SLC38A1: variants seen among roughly 807,000 people sequenced by gnomAD.
SLC38A1 encodes the protein sodium-coupled neutral amino acid symporter 1.
In SLC38A1, 18 loss-of-function variants were observed where a neutral mutation model predicts 60.3. The observed-to-expected ratio is 0.30, with a 90% CI of 0.21 to 0.44. The LOEUF is 0.44. Among genes scored for constraint, SLC38A1 ranks in the 20% least tolerant of loss-of-function variants. The pLI, the probability that SLC38A1 is intolerant of heterozygous loss-of-function variation, is 1.00. For missense variants in SLC38A1, 448 were observed against 587.2 expected, an observed-to-expected ratio of 0.76 and a Z score of 2.45; for synonymous variants, 196 against 212.1, an observed-to-expected ratio of 0.92 and a Z score of 0.66.
chr12:46,260,115 C>G (rs1049164351), intron 1 of SLC38A1, among the ~76,000 whole-genome samples: 9 of 152,118 alleles, frequency 5.9e-5, no homozygotes, highest in African/African-American at 2.2e-4. Context: ...AGCGTCTGGC[C>G]CGGGTTTTGT....
rs2136976373 is a variant in SLC38A1, at chr12:46,197,987, A to G, written c.1196T>C (p.Ile399Thr). The G allele has an allele frequency of 1.9e-6, 3 of 1,614,074 alleles. No individual in the cohort carries two copies. In the East Asian group the frequency reaches 6.7e-5, roughly 36 times the overall value. ...NLCRHTVVTC[I>T]LLVVINLLVI... ...CAACAAGTTGATAACAACCAAGAGT[A>G]TGCAGGTAACCACGGTATGACGACA... Residue 399 changes from isoleucine (I) to threonine (T), a missense_variant, in exon 15 of 17, where the codon ATA becomes ACA. Ile to Thr is a moderately conservative substitution (Grantham distance 89). Around this residue, in one of 2 missense-constraint regions of SLC38A1, gnomAD observed 346 missense variants for 497.5 expected, o/e 0.70. Transcript: ENST00000398637.
At chr12:46,197,333 CAAAAAAG>C (rs375672594) in intron 16 of SLC38A1, 15 of 173,568 alleles carry the variant, frequency 8.6e-5, no homozygotes, top group South Asian at 5.5e-4. Context: ...ACTAAAAATA[CAAAAAAG>C]AAAAAAGAAA....
At chr12:46,190,167 T>A (rs985750222) in intron 16 of SLC38A1, among the ~76,000 whole-genome samples, 6 of 152,156 alleles carry the variant, frequency 3.9e-5, no homozygotes, top group African/African-American at 1.4e-4. Flanking sequence ...AACTCCCACC[T>A]ATGAGTGAAA....
intron 1 of SLC38A1, among the ~76,000 whole-genome samples, chr12:46,249,727 GA>G (rs1941766562): frequency 6.6e-6 from 1 of 152,136 alleles, no homozygotes; most frequent in South Asian, 2.1e-4. Context: ...AGATAAACCA[GA>G]AAAATCTAGG....
intron 16 of SLC38A1, among the ~76,000 whole-genome samples, chr12:46,190,467 G>A (rs1939101040): frequency 6.6e-6 from 1 of 152,094 alleles, no homozygotes; most frequent in Admixed American, 6.5e-5. Context: ...GGGATTGCTG[G>A]GTCAAATGGT....
intron 5 of SLC38A1, among the ~76,000 whole-genome samples, chr12:46,228,548 A>G (rs1940953110): frequency 6.6e-6 from 1 of 152,200 alleles, no homozygotes; most frequent in Non-Finnish European, 1.5e-5. Context: ...AAATTCTATC[A>G]TCTCTCTTAA....
rs754212368 is a variant in SLC38A1 at position 46,188,949 on chromosome 12, G to A, written c.*21C>T. On this transcript the variant is annotated 3_prime_UTR_variant, in exon 17 of 17. Transcript: ENST00000398637. Reference sequence around the variant, plus strand: ...ACTTGACTGAGCAGACAACAGGGATGTTTCTTTTTCTCGGCGGGTTTCAGT... The same window carrying A: ...ACTTGACTGAGCAGACAACAGGGATATTTCTTTTTCTCGGCGGGTTTCAGT... 8.1e-6 allele frequency: 13 copies of A among 1,603,090 alleles called. No individual in the cohort carries two copies. The highest frequency in any genetic ancestry group is 9.4e-6 in the Non-Finnish European group (11 of 1,171,402).
chr12:46,203,154 G>T, intron 11 of SLC38A1, 65 bp from the exon 12 acceptor site: 2 of 1,298,900 alleles, frequency 1.5e-6, no homozygotes, highest in East Asian at 2.3e-5. Context: ...CATAGCTCCA[G>T]TATTTCTGAG....
At position 46,241,715 on chromosome 12, in the gene SLC38A1, A is replaced by G. The variant is rs992155016; in HGVS notation, c.-94+1485T>C. Among the ~76,000 whole-genome samples the G allele has an allele frequency of 6.6e-5, 10 of 152,320 alleles. No individual in the cohort carries two copies. The South Asian group carries it at 1.9e-3, about 28-fold the overall frequency. Reference sequence around the variant, plus strand: ...GTTGCAAAAGCTGAAATGAATTAAAATGGTTGAACCCCACTCTTACCCCTT... The same window carrying G: ...GTTGCAAAAGCTGAAATGAATTAAAGTGGTTGAACCCCACTCTTACCCCTT... On this transcript the variant is annotated intron_variant, in intron 2 of 16. Transcript: ENST00000398637.
At chr12:46,196,077 T>A in intron 16 of SLC38A1, 1 of 1,463,660 alleles carries the variant, frequency 6.8e-7, no homozygotes, top group Non-Finnish European at 9.2e-7. Context: ...CCTATTTGGC[T>A]ATCTTGGAAG....
intron 2 of SLC38A1, 82 bp from the exon 3 acceptor site, chr12:46,239,975 G>T: frequency 1.7e-6 from 1 of 582,714 alleles, no homozygotes; most frequent in Non-Finnish European, 3.0e-6. Context: ...TAAACAAGTA[G>T]TTAATTTACT....
intron 5 of SLC38A1, among the ~76,000 whole-genome samples, chr12:46,225,055 A>C (rs2137778700): frequency 6.6e-6 from 1 of 152,330 alleles, no homozygotes; most frequent in East Asian, 1.9e-4. Flanking sequence ...CCCAGTAAAA[A>C]GATTTTTTTT....
At chr12:46,218,499 G>A (rs1396040198) in intron 5 of SLC38A1, among the ~76,000 whole-genome samples, 1 of 152,012 alleles carries the variant, frequency 6.6e-6, no homozygotes, top group East Asian at 1.9e-4. Context: ...AGAAATAGGC[G>A]GTTTAAGAGG....
intron 12 of SLC38A1, 115 bp downstream of exon 12, chr12:46,202,895 T>G (rs1939725141): frequency 3.0e-6 from 2 of 670,702 alleles, no homozygotes; most frequent in African/African-American, 3.6e-5. Context: ...ATGTTGAAGC[T>G]GGGTGATGAA....
chr12:46,204,255 C>T (rs1184091589), intron 11 of SLC38A1, 46 bp downstream of exon 11: 1 of 1,178,948 alleles, frequency 8.5e-7, no homozygotes, highest in Admixed American at 1.7e-5. Context: ...ATAGAATGTC[C>T]TTAATAAAAA....
chr12:46,229,439 G>A, intron 4 of SLC38A1, 125 bp downstream of exon 4: 2 of 831,474 alleles, frequency 2.4e-6, no homozygotes, highest in South Asian at 1.6e-5. Flanking sequence ...AATACATAAG[G>A]TATGAGGAAT....
chr12:46,247,197 C>G (rs573719914), intron 1 of SLC38A1, among the ~76,000 whole-genome samples: 53 of 152,216 alleles, frequency 3.5e-4, no homozygotes, highest in Non-Finnish European at 5.7e-4. Context: ...ACAAGTTGGC[C>G]AAAGTAGGCT....
At chr12:46,215,780 T>C (rs967094606) in intron 5 of SLC38A1, among the ~76,000 whole-genome samples, 1 of 152,206 alleles carries the variant, frequency 6.6e-6, no homozygotes, top group Non-Finnish European at 1.5e-5. Flanking sequence ...CTTCCTCTTC[T>C]AGATCCAGTT....
At chr12:46,250,616 A>G (rs1022208519) in intron 1 of SLC38A1, among the ~76,000 whole-genome samples, 8 of 152,228 alleles carry the variant, frequency 5.3e-5, no homozygotes, top group African/African-American at 1.7e-4. Context: ...AATCTCCTTA[A>G]GCTGATAAGC....
Sources: gnomAD v4.1 joint callset for allele counts (sites outside exome capture counted in the v4.1 genomes callset) on GRCh38, gnomAD v4.1.1 for gene constraint, gnomAD v4.1.1 regional missense constraint, MANE v1.5 for transcripts, NCBI Gene and HGNC (gene_info 2026-07-23, HGNC 2026-07-21) for gene names.